Variants in TENM3 observed in about 807,000 individuals in gnomAD.
TENM3 encodes teneurin-3.
Under a neutral mutation model 255.1 loss-of-function variants are expected in TENM3, and 63 were observed. The ratio of observed to expected loss-of-function variants is 0.25; its 90% CI spans 0.20 to 0.30. TENM3 has a LOEUF of 0.30. TENM3 is among the 10% of genes least tolerant of loss of function. The pLI, the probability that TENM3 is intolerant of heterozygous loss-of-function variation, is 1.00. For synonymous variants in TENM3, 1,306 were observed against 1,322.3 expected, an observed-to-expected ratio of 0.99 and a Z score of 0.27; for missense variants, 2,929 against 3,461.1, an observed-to-expected ratio of 0.85 and a Z score of 3.86.
At chr4:182,032,157 T>C in the TENM3 span, among the ~76,000 whole-genome samples, 207 of 152,340 alleles carry the variant, frequency 1.4e-3, 1 homozygote, top group African/African-American at 4.6e-3. Context: ...CTTCCAGCTT[T>C]TGCCCATTCA....
chr4:182,139,277 C>T (rs575175999), upstream of TENM3, among the ~76,000 whole-genome samples: 2 of 152,204 alleles, frequency 1.3e-5, 1 homozygote, highest in South Asian at 4.2e-4. Context: ...GTTCCAGGGG[C>T]CCCGGATGCA....
At chr4:182,124,939 A>C in the TENM3 span, among the ~76,000 whole-genome samples, 2 of 147,198 alleles carry the variant, frequency 1.4e-5, no homozygotes, top group East Asian at 2.0e-4. Flanking sequence ...TGTGTGTGCT[A>C]CTCGCCCCTG....
At chr4:181,948,479 G>T in the TENM3 span, among the ~76,000 whole-genome samples, 1 of 152,002 alleles carries the variant, frequency 6.6e-6, no homozygotes, top group Admixed American at 6.6e-5. Flanking sequence ...TCAGTGGTGC[G>T]ATCTCACCTC....
At chr4:182,262,223 A>C (rs1407826205) in intron 1 of TENM3, among the ~76,000 whole-genome samples, 1 of 152,212 alleles carries the variant, frequency 6.6e-6, no homozygotes, top group Admixed American at 6.5e-5. Context: ...TAAAAGATGT[A>C]ATTAGCAAAT....
chr4:182,124,224 G>C, the TENM3 span, among the ~76,000 whole-genome samples: 1 of 151,908 alleles, frequency 6.6e-6, no homozygotes, highest in Admixed American at 6.6e-5. Flanking sequence ...GCTAATTTTT[G>C]TATTTTTAGT....
At chr4:182,414,135 A>G (rs1580458170) in intron 3 of TENM3, among the ~76,000 whole-genome samples, 1 of 152,334 alleles carries the variant, frequency 6.6e-6, no homozygotes, top group East Asian at 1.9e-4. Context: ...TCTTGCAAAT[A>G]AATTAATTTC....
At chr4:181,624,013 G>A in the TENM3 span, among the ~76,000 whole-genome samples, 1 of 152,236 alleles carries the variant, frequency 6.6e-6, no homozygotes, top group Non-Finnish European at 1.5e-5. Context: ...TTAAAGAGGA[G>A]TGAAATTGCC....
At chr4:182,613,376 T>A (rs1193882719) in intron 4 of TENM3, among the ~76,000 whole-genome samples, 1 of 152,150 alleles carries the variant, frequency 6.6e-6, no homozygotes, top group Non-Finnish European at 1.5e-5. Flanking sequence ...CTAAAAATAT[T>A]TTTTTGTATA....
chr4:182,030,886 C>T, the TENM3 span, among the ~76,000 whole-genome samples: 1 of 152,110 alleles, frequency 6.6e-6, no homozygotes, highest in Non-Finnish European at 1.5e-5. Context: ...GTCCTTCGCC[C>T]ACGTTTTAAT....
chr4:181,485,631 A>G, the TENM3 span, among the ~76,000 whole-genome samples: 2 of 152,194 alleles, frequency 1.3e-5, no homozygotes, highest in South Asian at 2.1e-4. Flanking sequence ...AAATCATTCT[A>G]GGTAGGTAAT....
the TENM3 span, among the ~76,000 whole-genome samples, chr4:181,698,869 A>C: frequency 6.6e-6 from 1 of 152,222 alleles, no homozygotes; most frequent in Non-Finnish European, 1.5e-5. Context: ...AAGAATATAG[A>C]TCTGTTAAGT....
chr4:182,465,949 T>G (rs114011752), intron 3 of TENM3, among the ~76,000 whole-genome samples: 4,619 of 152,268 alleles, frequency 0.03, 119 homozygotes, highest in Admixed American at 0.058. Flanking sequence ...CACCCAAGTC[T>G]CATTTCTCTA....
At chr4:182,309,835 G>A (rs567842879) in intron 1 of TENM3, among the ~76,000 whole-genome samples, 67 of 152,190 alleles carry the variant, frequency 4.4e-4, no homozygotes, top group East Asian at 3.9e-4. Context: ...CATGATTCTC[G>A]GACACCGGGC....
At chr4:182,478,958 T>C (rs1042681153) in intron 3 of TENM3, among the ~76,000 whole-genome samples, 1 of 152,036 alleles carries the variant, frequency 6.6e-6, no homozygotes, top group Non-Finnish European at 1.5e-5. Context: ...CTAAATTTTA[T>C]TGGATAGATT....
chr4:182,005,492 T>A, the TENM3 span, among the ~76,000 whole-genome samples: 1 of 152,358 alleles, frequency 6.6e-6, no homozygotes, highest in African/African-American at 2.4e-5. Flanking sequence ...TAGTTTGAAG[T>A]CAGGTAGCGT....
the TENM3 span, among the ~76,000 whole-genome samples, chr4:181,483,846 C>G: frequency 2.0e-5 from 3 of 152,144 alleles, no homozygotes; most frequent in Non-Finnish European, 4.4e-5. Flanking sequence ...TATCAGCAAA[C>G]TTCTATCTCC....
chr4:182,368,217 T>C (rs1766559680), intron 3 of TENM3, among the ~76,000 whole-genome samples: 1 of 152,202 alleles, frequency 6.6e-6, no homozygotes, highest in Admixed American at 6.5e-5. Context: ...ATACTTTCCA[T>C]GGGAACCTCC....
At chr4:182,132,684 G>A in the TENM3 span, among the ~76,000 whole-genome samples, 2,595 of 152,218 alleles carry the variant, frequency 0.017, 43 homozygotes, top group South Asian at 0.026. Flanking sequence ...TCACATTGGC[G>A]TGTATATGTG....
upstream of TENM3, among the ~76,000 whole-genome samples, chr4:182,140,114 A>G (rs1749289973): frequency 1.3e-5 from 2 of 152,180 alleles, no homozygotes; most frequent in African/African-American, 4.8e-5. Flanking sequence ...GGAAAACCCC[A>G]CCCAATAATA....
Sources: gnomAD v4.1 joint callset for allele counts (sites outside exome capture counted in the v4.1 genomes callset) on GRCh38, gnomAD v4.1.1 for gene constraint, MANE v1.5 for transcripts, NCBI Gene and HGNC (gene_info 2026-07-23, HGNC 2026-07-21) for gene names.